The following LRRC51 variants were observed in gnomAD, a reference collection of about 807,000 sequenced individuals.
LRRC51 encodes leucine-rich repeat-containing protein 51.
LRRC51 carries 8 observed loss-of-function variants against 17.8 expected under a neutral mutation model. That is an observed-to-expected ratio of 0.45 (90% CI 0.26 to 0.81). The LOEUF is 0.81. Ranked by LOEUF, LRRC51 falls within the 30% of genes least tolerant of loss-of-function variation. The pLI is 0.17. For synonymous variants in LRRC51, 92 were observed against 96.0 expected (o/e 0.96, Z 0.24); for missense variants, 233 against 239.3 (o/e 0.97, Z 0.17).
chr11:72,090,847 C>T (rs1236459362), intron 3 of LRRC51, among the ~76,000 whole-genome samples: 1 of 152,162 alleles, frequency 6.6e-6, no homozygotes. Context: ...CAGGGAAGTT[C>T]AATCAAACTA....
intron 1 of LRRC51, among the ~76,000 whole-genome samples, chr11:72,086,832 G>T (rs1285547300): frequency 6.6e-6 from 1 of 152,132 alleles, no homozygotes; most frequent in Admixed American, 6.5e-5. Flanking sequence ...TAACTCTGGG[G>T]TACCAACCCA....
intron 1 of LRRC51, among the ~76,000 whole-genome samples, chr11:72,082,226 A>G (rs1417737483): frequency 6.6e-6 from 1 of 152,206 alleles, no homozygotes; most frequent in Admixed American, 6.5e-5. Context: ...ATTTTTAACT[A>G]AACAGGAAAC....
chr11:72,093,090 A>C (rs1944958683), intron 3 of LRRC51, among the ~76,000 whole-genome samples: 1 of 152,246 alleles, frequency 6.6e-6, no homozygotes, highest in Non-Finnish European at 1.5e-5. Flanking sequence ...GAGAGACAGG[A>C]TATCAAAGTG....
chr11:72,088,349 C>T lies in LRRC51; in HGVS notation c.-87C>T. 1 of 702,506 alleles carries T rather than the reference C, an allele frequency of 1.4e-6. No homozygotes were observed. The highest frequency in any genetic ancestry group is 2.6e-6 in the Non-Finnish European group (1 of 384,960). The allele number at this position is 702,506 out of a possible 1,614,324, so 43.5% of individuals were successfully genotyped here. A position where few individuals can be genotyped will look rare whatever the true frequency, so the allele number is the denominator to read the frequency against. ...ATCCCTGAACCCACAGGAATGAATGCCTAATGGTGGAGTTTCAGCCATCAG... is the reference window on the plus strand; with the variant it reads ...ATCCCTGAACCCACAGGAATGAATGTCTAATGGTGGAGTTTCAGCCATCAG... On this transcript the variant is annotated 5_prime_UTR_variant, in exon 2 of 6. Coordinates refer to ENST00000289488, the MANE Select transcript of LRRC51 (RefSeq NM_145309.6).
chr11:72,084,848 A>AG (rs1193227755), intron 1 of LRRC51, among the ~76,000 whole-genome samples: 8 of 147,074 alleles, frequency 5.4e-5, no homozygotes, highest in Non-Finnish European at 1.0e-4. Flanking sequence ...AAAAAAAAAA[A>AG]AAAAAAGAAA....
chr11:72,096,802 C>T lies in LRRC51; in HGVS notation c.*1282C>T, dbSNP rs1479355005. ...GGCCTATGATCTCTGAAACCAGCCC[C>T]CACTTCAATCAGATCAAAGTAATTC... is the stretch of plus-strand genomic sequence containing the variant. On this transcript the variant is annotated 3_prime_UTR_variant, in exon 6 of 6. Transcript: ENST00000289488. 3.7e-6 allele frequency: 5 copies of T among 1,368,796 alleles called. No individual in the cohort carries two copies. The highest frequency in any genetic ancestry group is 4.8e-6 in the Non-Finnish European group (5 of 1,038,274). 84.8% of individuals were successfully genotyped at this position (1,368,796 alleles called of 1,614,324 possible).
At chr11:72,089,759 C>A (rs1353366876) in intron 3 of LRRC51, among the ~76,000 whole-genome samples, 2 of 152,234 alleles carry the variant, frequency 1.3e-5, no homozygotes, top group African/African-American at 4.8e-5. Flanking sequence ...TCATCACCTA[C>A]ACTTATTGCA....
At chr11:72,090,596 C>T (rs1944801926) in intron 3 of LRRC51, among the ~76,000 whole-genome samples, 1 of 152,166 alleles carries the variant, frequency 6.6e-6, no homozygotes, top group African/African-American at 2.4e-5. Context: ...TTCCCCAGAG[C>T]TTCTGAAACA....
intron 1 of LRRC51, among the ~76,000 whole-genome samples, chr11:72,086,904 G>A (rs1322302884): frequency 6.6e-6 from 1 of 152,212 alleles, no homozygotes; most frequent in Non-Finnish European, 1.5e-5. Flanking sequence ...TGTAGGTGCT[G>A]AAGTGGGATG....
Position 72,095,928 on chromosome 11 carries a change from C to T in LRRC51, c.*408C>T, listed in dbSNP as rs1945182665. Reference sequence around the variant, plus strand: ...TGCGATCTCAGCTCACTGCAACCTCCGCCTGCTGGGTTCAAGCGATTCTCC... The same window carrying T: ...TGCGATCTCAGCTCACTGCAACCTCTGCCTGCTGGGTTCAAGCGATTCTCC... On this transcript the variant is annotated 3_prime_UTR_variant, in exon 6 of 6. Transcript: ENST00000289488. The T allele has an allele frequency of 3.6e-6, 1 of 275,674 alleles. No individual in the cohort carries two copies. Among genetic ancestry groups the T allele is most frequent in the East Asian group, 9.2e-5 (1 of 10,830 alleles). 17.1% of individuals were successfully genotyped at this position (275,674 alleles called of 1,614,324 possible).
At position 72,093,657 on chromosome 11, in the gene LRRC51, G is replaced by A. The variant is rs1591159810; in HGVS notation, c.244G>A (p.Ala82Thr). 3 of 1,614,166 alleles carry A rather than the reference G, an allele frequency of 1.9e-6. No individual in the cohort carries two copies. In the Middle Eastern group the frequency reaches 4.9e-4, roughly 266 times the overall value. Residue 82 changes from alanine (A) to threonine (T), a missense_variant, in exon 4 of 6, where the codon GCC becomes ACC. Physicochemically the swap from Ala to Thr is moderately conservative, Grantham distance 58. Coordinates refer to ENST00000289488, the MANE Select transcript of LRRC51 (RefSeq NM_145309.6). ...SQLLEHPENL[A>T]WIDLSFNDLT... ...GCTGTTGGAGCACCCAGAGAACCTG[G>A]CCTGGATCGACCTGTCCTTTAATGA...
intron 3 of LRRC51, among the ~76,000 whole-genome samples, chr11:72,090,637 T>C (rs1375268755): frequency 6.6e-6 from 1 of 152,128 alleles, no homozygotes; most frequent in Non-Finnish European, 1.5e-5. Flanking sequence ...AGGGATACAA[T>C]AGAGTTTGGG....
Position 72,088,376 on chromosome 11 carries a change from G to A in LRRC51, c.-60G>A. The A allele has an allele frequency of 1.4e-6, 1 of 702,610 alleles. No individual in the cohort carries two copies. The highest frequency in any genetic ancestry group is 2.6e-6 in the Non-Finnish European group (1 of 384,996). The allele number at this position is 702,610 out of a possible 1,614,324, so 43.5% of individuals were successfully genotyped here. On this transcript the variant is annotated 5_prime_UTR_variant, in exon 2 of 6. Coordinates refer to ENST00000289488, the MANE Select transcript of LRRC51 (RefSeq NM_145309.6). ...TAATGGTGGAGTTTCAGCCATCAGT[G>A]ACAGGTGAGTGAGAGGTAGACTCTG... is the stretch of plus-strand genomic sequence containing the variant.
In LRRC51 at chr11:72,096,515, G is replaced by T; in HGVS notation, c.*995G>T. On this transcript the variant is annotated 3_prime_UTR_variant, in exon 6 of 6. Coordinates refer to ENST00000289488, the MANE Select transcript of LRRC51 (RefSeq NM_145309.6). The stretch of plus-strand genomic sequence containing the variant: ...AGCCTCCCAAAGTGCTAGGATTACA[G>T]GATAAGCCACTGCACCTGGCCAGCT... The T allele has an allele frequency of 7.8e-7, 1 of 1,278,654 alleles. No homozygotes were observed. The allele number at this position is 1,278,654 out of a possible 1,614,324, so 79.2% of individuals were successfully genotyped here. A position where few individuals can be genotyped will look rare whatever the true frequency, so the allele number is the denominator to read the frequency against.
chr11:72,082,378 ATAT>A (rs1261468616), intron 1 of LRRC51, among the ~76,000 whole-genome samples: 1 of 151,904 alleles, frequency 6.6e-6, no homozygotes, highest in African/African-American at 2.4e-5. Flanking sequence ...ACTGCACTCT[ATAT>A]TCTCTTCTTG....
intron 3 of LRRC51, among the ~76,000 whole-genome samples, chr11:72,092,353 C>T (rs971845751): frequency 3.9e-5 from 6 of 152,224 alleles, no homozygotes; most frequent in Non-Finnish European, 8.8e-5. Flanking sequence ...CCAGTTAATA[C>T]AACTGGCAAC....
intron 3 of LRRC51, among the ~76,000 whole-genome samples, chr11:72,093,211 C>G (rs1027060275): frequency 6.6e-5 from 10 of 152,206 alleles, no homozygotes; most frequent in Admixed American, 2.6e-4. Flanking sequence ...TTCCTCAACC[C>G]CACACTGGTT....
chr11:72,092,127 C>T (rs1190972468), intron 3 of LRRC51, among the ~76,000 whole-genome samples: 2 of 152,156 alleles, frequency 1.3e-5, no homozygotes, highest in Non-Finnish European at 2.9e-5. Flanking sequence ...GACCTTCCTC[C>T]CTACCCTCAC....
At chr11:72,095,350 C>G in intron 5 of LRRC51, 29 bp from the exon 6 acceptor site, 6 of 1,613,312 alleles carry the variant, frequency 3.7e-6, no homozygotes, top group Non-Finnish European at 5.1e-6. Context: ...GGTGGGGGTG[C>G]TGGCCCCCAG....
Sources: allele counts gnomAD v4.1 joint callset (sites outside exome capture counted in the v4.1 genomes callset), GRCh38; gene constraint gnomAD v4.1.1; transcripts MANE v1.5; gene names NCBI Gene and HGNC (gene_info 2026-07-23, HGNC 2026-07-21).